MND1: variants seen among roughly 807,000 people sequenced by gnomAD.
MND1 encodes the protein meiotic nuclear division protein 1 homolog.
MND1 carries 28 observed loss-of-function variants against 35.1 expected under a neutral mutation model. The observed-to-expected ratio is 0.80, with a 90% CI of 0.59 to 1.09. The LOEUF (loss-of-function observed/expected upper bound fraction) is 1.09, where lower values mean the gene tolerates loss of function less well. Ranked by LOEUF, MND1 falls within the 50% of genes least tolerant of loss-of-function variation. The pLI, the probability that MND1 is intolerant of heterozygous loss-of-function variation, is 0.00. For missense variants in MND1, 213 were observed against 239.6 expected (o/e 0.89, Z 0.73); for synonymous variants, 69 against 70.5 (o/e 0.98, Z 0.11).
intron 4 of MND1, among the ~76,000 whole-genome samples, chr4:153,385,434 G>T (rs1728825667): frequency 6.6e-6 from 1 of 152,116 alleles, no homozygotes; most frequent in East Asian, 1.9e-4. Flanking sequence ...GTAGAGTATG[G>T]TCCAGGCACA....
chr4:153,361,249 T>C (rs1195864919), intron 4 of MND1, among the ~76,000 whole-genome samples: 1 of 152,254 alleles, frequency 6.6e-6, no homozygotes, highest in Non-Finnish European at 1.5e-5. Flanking sequence ...CAATCTTTGT[T>C]TGAAAATGTC....
intron 6 of MND1, among the ~76,000 whole-genome samples, chr4:153,399,889 GAT>G (rs1491373196): frequency 7.3e-5 from 9 of 123,746 alleles, no homozygotes; most frequent in East Asian, 2.7e-4. Flanking sequence ...TTTTCAGTGA[GAT>G]TTTTTTTTTT....
At chr4:153,356,378 G>A (rs939926681) in intron 3 of MND1, among the ~76,000 whole-genome samples, 4 of 151,754 alleles carry the variant, frequency 2.6e-5, no homozygotes, top group African/African-American at 7.3e-5. Flanking sequence ...CTAAAACCCC[G>A]TCTCTACTAA....
chr4:153,345,818 A>G (rs1396986587), intron 1 of MND1, among the ~76,000 whole-genome samples: 3 of 152,238 alleles, frequency 2.0e-5, no homozygotes, highest in Non-Finnish European at 4.4e-5. Flanking sequence ...GAAGTGCTCT[A>G]AGGAGCCAAA....
chr4:153,387,352 G>C (rs1332356684), intron 4 of MND1, among the ~76,000 whole-genome samples: 3 of 151,834 alleles, frequency 2.0e-5, no homozygotes, highest in Admixed American at 2.0e-4. Context: ...TGCTGAGACA[G>C]GTATATTGCT....
chr4:153,376,494 T>C (rs1728514230), intron 4 of MND1, among the ~76,000 whole-genome samples: 1 of 152,166 alleles, frequency 6.6e-6, no homozygotes, highest in Non-Finnish European at 1.5e-5. Flanking sequence ...AATGACTTCC[T>C]CCATTTTACT....
Position 153,375,792 on chromosome 4 carries a change from AT to A in MND1, c.276+17171del, listed in dbSNP as rs1728486850. Reference sequence around the variant, plus strand: ...TAAGCAAAAAATTTTCCTTCTCTGTATATGTGGTTGAATTTTGCTGAAAATA... The same window carrying A: ...TAAGCAAAAAATTTTCCTTCTCTGTAATGTGGTTGAATTTTGCTGAAAATA... On this transcript the variant is annotated intron_variant, in intron 4 of 7. Transcript: ENST00000240488. Among the ~76,000 whole-genome samples, 9 of 152,270 alleles carry A rather than the reference AT, an allele frequency of 5.9e-5. No individual in the cohort carries two copies. In the South Asian group the frequency reaches 1.4e-3, roughly 25 times the overall value.
At chr4:153,355,320 C>T (rs1051465036) in intron 2 of MND1, among the ~76,000 whole-genome samples, 3 of 151,914 alleles carry the variant, frequency 2.0e-5, no homozygotes, top group South Asian at 2.1e-4. Flanking sequence ...TTTTTAAATA[C>T]AATTTTTCAT....
At chr4:153,407,185 C>T (rs529646507) in intron 6 of MND1, among the ~76,000 whole-genome samples, 18 of 152,240 alleles carry the variant, frequency 1.2e-4, no homozygotes, top group Middle Eastern at 3.4e-3. Flanking sequence ...ATAATGAGGC[C>T]GGGCACGGTG....
chr4:153,391,962 A>C (rs536234555), intron 4 of MND1, among the ~76,000 whole-genome samples: 53 of 152,288 alleles, frequency 3.5e-4, no homozygotes, highest in African/African-American at 1.3e-3. Context: ...AAGATTTCCC[A>C]AAGCAAGGGT....
At chr4:153,374,032 A>C (rs1728409545) in intron 4 of MND1, among the ~76,000 whole-genome samples, 1 of 152,142 alleles carries the variant, frequency 6.6e-6, no homozygotes, top group Admixed American at 6.5e-5. Flanking sequence ...TCACTTCTTG[A>C]CCAGCTGTAC....
chr4:153,398,107 T>A (rs538390379), intron 6 of MND1, among the ~76,000 whole-genome samples: 1 of 152,348 alleles, frequency 6.6e-6, no homozygotes, highest in Non-Finnish European at 1.5e-5. Flanking sequence ...CCAGTCATTT[T>A]TTTTTCCTTG....
In MND1 at chr4:153,411,248, T is replaced by TA. The variant is rs1729673913; in HGVS notation, c.511+2234dup. Among the ~76,000 whole-genome samples, 5 of 152,202 alleles carry TA rather than the reference T, an allele frequency of 3.3e-5. No individual in the cohort carries two copies. The South Asian group carries it at 1.0e-3, about 32-fold the overall frequency. On this transcript the variant is annotated intron_variant, in intron 7 of 7. Transcript: ENST00000240488. ...TTAATGAGTGAAGAGGGACAGGTGT[T>TA]ATGAGGGCCCAACCTAGATTCATTG...
Position 153,350,136 on chromosome 4 carries a change from C to A in MND1, c.69+7C>A. The A allele has an allele frequency of 6.3e-7, 1 of 1,592,942 alleles. No individual in the cohort carries two copies. Among genetic ancestry groups the A allele is most frequent in the South Asian group, 1.1e-5 (1 of 88,742 alleles). On this transcript the variant is annotated splice_region_variant and intron_variant, in intron 2 of 7. Coordinates refer to ENST00000240488, the MANE Select transcript of MND1 (RefSeq NM_032117.4). ...GGAAATATTTTCTGAAACAGTAAGT[C>A]ATTTTCTTTAACACTTATAATTTTG...
chr4:153,388,455 C>T (rs1175767932), intron 4 of MND1, among the ~76,000 whole-genome samples: 1 of 152,114 alleles, frequency 6.6e-6, no homozygotes, highest in African/African-American at 2.4e-5. Context: ...CCACTGCATT[C>T]CAGCCTGAAC....
At chr4:153,404,714 G>A (rs1342883407) in intron 6 of MND1, among the ~76,000 whole-genome samples, 4 of 150,126 alleles carry the variant, frequency 2.7e-5, no homozygotes, top group Admixed American at 6.6e-5. Context: ...CCTGACCTCC[G>A]GTGATCTGCC....
chr4:153,363,122 T>A, intron 4 of MND1: 3 of 508,376 alleles, frequency 5.9e-6, no homozygotes, highest in Non-Finnish European at 7.6e-6. Flanking sequence ...CCTTCACACC[T>A]GTTTTCCTGG....
At chr4:153,379,773 C>T (rs2149645008) in intron 4 of MND1, among the ~76,000 whole-genome samples, 1 of 149,996 alleles carries the variant, frequency 6.7e-6, no homozygotes, top group African/African-American at 2.5e-5. Flanking sequence ...TCGCTTGAAC[C>T]CGGGAGGCAG....
chr4:153,345,748 G>A (rs555673839), intron 1 of MND1, among the ~76,000 whole-genome samples: 1 of 152,368 alleles, frequency 6.6e-6, no homozygotes, highest in African/African-American at 2.4e-5. Flanking sequence ...TTGTCCAGAT[G>A]TAGTTATAAA....
Sources: allele counts gnomAD v4.1 joint callset (sites outside exome capture counted in the v4.1 genomes callset), GRCh38; gene constraint gnomAD v4.1.1; transcripts MANE v1.5; gene names NCBI Gene and HGNC (gene_info 2026-07-23, HGNC 2026-07-21).